TBC1D14: variants seen among roughly 807,000 people sequenced by gnomAD.
TBC1D14 encodes the protein TBC1 domain family member 14.
TBC1D14 carries 26 observed loss-of-function variants against 79.0 expected under a neutral mutation model. That is an observed-to-expected ratio of 0.33 (90% CI 0.24 to 0.46). The LOEUF is 0.46. Ranked by LOEUF, TBC1D14 falls within the 20% of genes least tolerant of loss-of-function variation. The pLI is 1.00. For missense variants in TBC1D14, 769 were observed against 887.6 expected (o/e 0.87, Z 1.70); for synonymous variants, 394 against 349.9 (o/e 1.13, Z -1.40).
intron 3 of TBC1D14, among the ~76,000 whole-genome samples, chr4:6,988,837 C>T (rs1577128979): frequency 1.4e-5 from 2 of 145,742 alleles, no homozygotes; most frequent in East Asian, 4.0e-4. Flanking sequence ...GATGACCTTT[C>T]TTGTCTTTCT....
At chr4:7,005,345 T>G (rs1720075526) in intron 8 of TBC1D14, among the ~76,000 whole-genome samples, 1 of 151,946 alleles carries the variant, frequency 6.6e-6, no homozygotes. Flanking sequence ...ACCAGCCTGG[T>G]CAACATGGCG....
chr4:6,949,035 G>A (rs896842723), intron 2 of TBC1D14, among the ~76,000 whole-genome samples: 3 of 151,682 alleles, frequency 2.0e-5, no homozygotes, highest in Admixed American at 1.3e-4. Context: ...TTAGCCAGGC[G>A]TGGTGGCGCA....
intron 2 of TBC1D14, among the ~76,000 whole-genome samples, chr4:6,930,730 A>G (rs1415384970): frequency 1.3e-5 from 2 of 151,222 alleles, no homozygotes. Flanking sequence ...TCTGAGAGGT[A>G]GAGGTTGCAG....
intron 2 of TBC1D14, among the ~76,000 whole-genome samples, chr4:6,939,987 G>A (rs1712749139): frequency 6.6e-6 from 1 of 152,198 alleles, no homozygotes; most frequent in African/African-American, 2.4e-5. Context: ...GGGCACCAGC[G>A]GCCTGTGCCC....
At chr4:6,953,764 T>C (rs1426917584) in intron 2 of TBC1D14, among the ~76,000 whole-genome samples, 1 of 152,040 alleles carries the variant, frequency 6.6e-6, no homozygotes, top group Admixed American at 6.5e-5. Context: ...GGTTCTAGTG[T>C]AGGTATTTGG....
At chr4:6,928,431 C>A (rs1168511391) in intron 2 of TBC1D14, among the ~76,000 whole-genome samples, 1 of 152,184 alleles carries the variant, frequency 6.6e-6, no homozygotes, top group Non-Finnish European at 1.5e-5. Flanking sequence ...AAGTTTGAAC[C>A]TCAGTTCTGC....
intron 3 of TBC1D14, among the ~76,000 whole-genome samples, chr4:6,978,230 C>G (rs1303286352): frequency 6.6e-6 from 1 of 151,804 alleles, no homozygotes; most frequent in Non-Finnish European, 1.5e-5. Flanking sequence ...ACCACCCCGT[C>G]TGGGAGGTGT....
chr4:6,952,536 A>G (rs1714138302), intron 2 of TBC1D14, among the ~76,000 whole-genome samples: 1 of 152,226 alleles, frequency 6.6e-6, no homozygotes, highest in Non-Finnish European at 1.5e-5. Context: ...TTAAATTGCA[A>G]AAGTAATATG....
chr4:6,994,296 G>C lies in TBC1D14; in HGVS notation c.956G>C (p.Arg319Thr). The change falls in exon 4 of 14, where the codon AGA (arginine) becomes ACA (threonine). Residue 319 changes from arginine to threonine, a missense_variant. Physicochemically the swap from Arg to Thr is moderately conservative, Grantham distance 71. Transcript: ENST00000409757. ...ACCACCGCACTCATCCTCGAGGACA[G>C]ACCAGCGTGAGTTTAAGAAGACTCT... ...LSTTALILED[R>T]PANLPAKPAE... is the part of the protein sequence containing the mutation. The C allele has an allele frequency of 6.2e-7, 1 of 1,613,898 alleles. No homozygotes were observed. Among genetic ancestry groups the C allele is most frequent in the Non-Finnish European group, 8.5e-7 (1 of 1,179,790 alleles).
At chr4:6,969,042 C>A (rs1022810067) in intron 3 of TBC1D14, among the ~76,000 whole-genome samples, 1 of 152,194 alleles carries the variant, frequency 6.6e-6, no homozygotes, top group Admixed American at 6.5e-5. Flanking sequence ...ATGCCACATT[C>A]TTCACGCGTC....
Position 7,030,704 on chromosome 4 carries a change from A to C in TBC1D14, c.*312A>C, listed in dbSNP as rs184287284. ...TTTCAGCAAAAGCTAATTAAATTGT[A>C]ATGTTTCTATGTCAACTACTGGGAA... On this transcript the variant is annotated 3_prime_UTR_variant, in exon 14 of 14. Coordinates refer to ENST00000409757, the MANE Select transcript of TBC1D14 (RefSeq NM_020773.3). 4.1e-4 allele frequency: 109 copies of C among 265,316 alleles called. No homozygotes were observed. The highest frequency in any genetic ancestry group is 2.1e-3 in the African/African-American group (98 of 46,366). 16.4% of individuals were successfully genotyped at this position (265,316 alleles called of 1,614,324 possible).
chr4:6,988,152 C>G (rs1257574645), intron 3 of TBC1D14, among the ~76,000 whole-genome samples: 1 of 152,220 alleles, frequency 6.6e-6, no homozygotes, highest in South Asian at 2.1e-4. Context: ...CTCCCAGATG[C>G]TAAACTGGGC....
In TBC1D14 at chr4:7,014,432, C is replaced by T; in HGVS notation, c.1648-16C>T. 1.9e-6 allele frequency: 3 copies of T among 1,561,492 alleles called. No individual in the cohort carries two copies. Among genetic ancestry groups the T allele is most frequent in the Non-Finnish European group, 2.6e-6 (3 of 1,134,020 alleles). ...GTGCAGATAGTTTCTGAGTAAATTT[C>T]ATATTATCTCCCTAGATGTTGACTT... is the stretch of plus-strand genomic sequence containing the variant. On this transcript the variant is annotated splice_polypyrimidine_tract_variant and intron_variant, in intron 11 of 13. Coordinates refer to ENST00000409757, the MANE Select transcript of TBC1D14 (RefSeq NM_020773.3).
intron 2 of TBC1D14, among the ~76,000 whole-genome samples, chr4:6,934,629 G>A (rs567067774): frequency 4.1e-4 from 62 of 151,456 alleles, no homozygotes; most frequent in African/African-American, 1.5e-3. Context: ...CTACACTCCA[G>A]CATGGGCGAC....
chr4:6,987,759 TGCG>T, intron 3 of TBC1D14, among the ~76,000 whole-genome samples: 1 of 152,226 alleles, frequency 6.6e-6, no homozygotes, highest in Non-Finnish European at 1.5e-5. Context: ...GAGATGAGAC[TGCG>T]CTCCGAGCTC....
At chr4:7,006,499 C>G (rs776771015) in intron 8 of TBC1D14, 133 bp from the exon 9 acceptor site, 6 of 629,494 alleles carry the variant, frequency 9.5e-6, no homozygotes, top group Non-Finnish European at 1.7e-5. Flanking sequence ...CACTCTGAGT[C>G]AAGATGTGAT....
At chr4:6,920,902 C>G (rs1723799715) in intron 1 of TBC1D14, among the ~76,000 whole-genome samples, 2 of 152,194 alleles carry the variant, frequency 1.3e-5, no homozygotes, top group African/African-American at 4.8e-5. Flanking sequence ...CCTCAGCCTC[C>G]TGAGTAGCTG....
chr4:7,014,369 GA>G lies in TBC1D14; in HGVS notation c.1648-78del, dbSNP rs1721080312. 3.5e-6 allele frequency: 3 copies of G among 865,606 alleles called. No individual in the cohort carries two copies. In the East Asian group the frequency reaches 7.9e-5, roughly 23 times the overall value. 53.6% of individuals were successfully genotyped at this position (865,606 alleles called of 1,614,324 possible). A position where few individuals can be genotyped will look rare whatever the true frequency, so the allele number is the denominator to read the frequency against. On this transcript the variant is annotated intron_variant, in intron 11 of 13. Transcript: ENST00000409757. ...AAGAAGGTAATTGTTAGAGTCTAAA[GA>G]TATACATATATTGACTTTTTTGTAA... is the stretch of plus-strand genomic sequence containing the variant.
At chr4:6,991,860 T>A (rs1313736000) in intron 3 of TBC1D14, among the ~76,000 whole-genome samples, 1 of 152,244 alleles carries the variant, frequency 6.6e-6, no homozygotes, top group Non-Finnish European at 1.5e-5. Flanking sequence ...TTGGTAATAG[T>A]AAGAAGCTCT....
Sources: allele counts gnomAD v4.1 joint callset (sites outside exome capture counted in the v4.1 genomes callset), GRCh38; gene constraint gnomAD v4.1.1; transcripts MANE v1.5; gene names NCBI Gene and HGNC (gene_info 2026-07-23, HGNC 2026-07-21).